The following P2RY12 variants were observed in gnomAD, a reference collection of about 807,000 sequenced individuals.
The protein encoded by P2RY12 is purinergic receptor P2Y12, also known as P2Y purinoceptor 12.
Under a neutral mutation model 4.5 loss-of-function variants are expected in P2RY12, and 3 were observed. The ratio of observed to expected loss-of-function variants is 0.67; its 90% CI spans 0.31 to 1.74. The LOEUF is 1.74. Ranked by LOEUF, P2RY12 falls within the 40% of genes most tolerant of loss-of-function variation. The probability of loss-of-function intolerance (pLI) is 0.09; values close to 1 mark genes in which losing one functional copy is unlikely to be tolerated. For missense variants in P2RY12, 356 were observed against 407.8 expected (o/e 0.87, Z 1.09); for synonymous variants, 148 against 154.1 (o/e 0.96, Z 0.29).
rs1366873858 is a variant in P2RY12 at position 151,340,607 on chromosome 3, T to C, written c.-26A>G. 1 of 152,630 alleles carries C rather than the reference T, an allele frequency of 6.6e-6. No individual in the cohort carries two copies. Among genetic ancestry groups the C allele is most frequent in the African/African-American group, 2.4e-5 (1 of 41,460 alleles). The allele number at this position is 152,630 out of a possible 1,614,324, so 9.5% of individuals were successfully genotyped here. On this transcript the variant is annotated 5_prime_UTR_variant, in exon 2 of 3. Coordinates refer to ENST00000302632, the MANE Select transcript of P2RY12 (RefSeq NM_022788.5). ...AGAAATAACATTACCTGATAACTGT[T>C]GATTCTGGAGGGTTTGAATGTATCC...
At chr3:151,340,520 A>T (rs1193257280) in intron 2 of P2RY12, 76 bp downstream of exon 2, 1 of 152,622 alleles carries the variant, frequency 6.6e-6, no homozygotes, top group Non-Finnish European at 1.5e-5. Flanking sequence ...ATTTTAAGAG[A>T]AACTTGGAAA....
chr3:151,360,381 C>A, intron 1 of P2RY12: 1 of 1,144,510 alleles, frequency 8.7e-7, no homozygotes, highest in Non-Finnish European at 1.3e-6. Context: ...TTTTTCTTAC[C>A]CAAGTGATAC....
In P2RY12 at chr3:151,350,268, T is replaced by C. The variant is rs1338730848; in HGVS notation, c.-179-9508A>G. 7 of 1,545,170 alleles carry C rather than the reference T, an allele frequency of 4.5e-6. 1 individual carries two copies. In the East Asian group the frequency reaches 1.6e-4, roughly 35 times the overall value. On this transcript the variant is annotated intron_variant, in intron 1 of 2. Coordinates refer to ENST00000302632, the MANE Select transcript of P2RY12 (RefSeq NM_022788.5). The stretch of plus-strand genomic sequence containing the variant: ...CCTTTTGCCTTCCCTCTGAGCACAG[T>C]CTTTATCAAAGTGTTCTATGTCACT...
intron 1 of P2RY12, among the ~76,000 whole-genome samples, chr3:151,381,707 C>T (rs1712380254): frequency 6.6e-6 from 1 of 152,166 alleles, no homozygotes; most frequent in African/African-American, 2.4e-5. Flanking sequence ...CCACTTGTTA[C>T]ACTTAGTTTT....
intron 1 of P2RY12, among the ~76,000 whole-genome samples, chr3:151,379,485 G>C (rs1257006313): frequency 2.0e-5 from 3 of 152,176 alleles, no homozygotes; most frequent in Admixed American, 2.0e-4. Context: ...CAAATGCCTT[G>C]ACACCTCTTT....
intron 1 of P2RY12, chr3:151,368,239 C>A: frequency 6.2e-7 from 1 of 1,613,804 alleles, no homozygotes; most frequent in Non-Finnish European, 8.5e-7. Flanking sequence ...CTGCTTCTTA[C>A]CTCAAGCAAC....
At chr3:151,374,989 A>C (rs1472626138) in intron 1 of P2RY12, among the ~76,000 whole-genome samples, 1 of 152,218 alleles carries the variant, frequency 6.6e-6, no homozygotes, top group Non-Finnish European at 1.5e-5. Flanking sequence ...TAGGTGTCAT[A>C]CCGACTGGGT....
At chr3:151,342,913 G>T (rs1356828589) in intron 1 of P2RY12, among the ~76,000 whole-genome samples, 2 of 152,060 alleles carry the variant, frequency 1.3e-5, no homozygotes, top group African/African-American at 2.4e-5. Flanking sequence ...ACTATTCTCT[G>T]AAGTACGCGT....
intron 1 of P2RY12, chr3:151,368,322 C>T (rs1398249053): frequency 3.1e-6 from 4 of 1,290,938 alleles, no homozygotes; most frequent in Non-Finnish European, 2.2e-6. Context: ...ACCAAATAGG[C>T]TGTCCCTTTC....
chr3:151,376,030 G>T, intron 1 of P2RY12: 1 of 1,571,808 alleles, frequency 6.4e-7, no homozygotes, highest in South Asian at 1.2e-5. Flanking sequence ...TTTTAGGAAT[G>T]GGTAGGAGAG....
chr3:151,355,353 C>A, intron 1 of P2RY12: 1 of 658,844 alleles, frequency 1.5e-6, no homozygotes, highest in South Asian at 2.1e-5. Flanking sequence ...ATTTTATAAA[C>A]ATACTTGGAA....
intron 1 of P2RY12, chr3:151,383,838 G>A (rs765203353): frequency 1.2e-6 from 2 of 1,614,044 alleles, no homozygotes; most frequent in East Asian, 2.2e-5. Context: ...ACTGGGCCCT[G>A]CTACTCCTTC....
At chr3:151,366,544 A>G (rs1755299076) in intron 1 of P2RY12, among the ~76,000 whole-genome samples, 1 of 152,212 alleles carries the variant, frequency 6.6e-6, no homozygotes, top group African/African-American at 2.4e-5. Flanking sequence ...CTTGGATATC[A>G]TGTTGCATCC....
At chr3:151,357,566 T>A (rs373384102) in intron 1 of P2RY12, among the ~76,000 whole-genome samples, 5 of 152,178 alleles carry the variant, frequency 3.3e-5, no homozygotes, top group African/African-American at 1.2e-4. Context: ...TTTCTAATAA[T>A]GTGTGATTCC....
intron 1 of P2RY12, among the ~76,000 whole-genome samples, chr3:151,370,524 T>C (rs1235092546): frequency 6.6e-6 from 1 of 152,152 alleles, no homozygotes; most frequent in East Asian, 1.9e-4. Flanking sequence ...GTGAATTTTG[T>C]AGTAAAAAGG....
In P2RY12 at chr3:151,375,970, C is replaced by CATATATATATATATATATATATAT. The variant is rs148538586; in HGVS notation, c.-180+8721_-180+8722insATATATATATATATATATATATAT. ...TGCACTGTGGATTTAGTACATATTGCATATATATATACCGAAAGCCAGTGC... is the reference window on the plus strand; with the variant it reads ...TGCACTGTGGATTTAGTACATATTGCATATATATATATATATATATATATATATATATATACCGAAAGCCAGTGC... On this transcript the variant is annotated intron_variant, in intron 1 of 2. Transcript: ENST00000302632. The CATATATATATATATATATATATAT allele has an allele frequency of 1.6e-3, 1,339 of 812,450 alleles. 10 individuals carry two copies. The highest frequency in any genetic ancestry group is 5.7e-3 in the Middle Eastern group (13 of 2,292). 50.3% of individuals were successfully genotyped at this position (812,450 alleles called of 1,614,324 possible). A position where few individuals can be genotyped will look rare whatever the true frequency, so the allele number is the denominator to read the frequency against.
intron 1 of P2RY12, chr3:151,369,439 A>T: frequency 6.3e-7 from 1 of 1,599,508 alleles, no homozygotes; most frequent in Non-Finnish European, 8.5e-7. Flanking sequence ...TTTGTAGGCA[A>T]ACCTTTCCCT....
intron 1 of P2RY12, among the ~76,000 whole-genome samples, chr3:151,363,989 A>G (rs1488935101): frequency 6.6e-6 from 1 of 152,168 alleles, no homozygotes; most frequent in African/African-American, 2.4e-5. Context: ...ATGCAAGTAT[A>G]TAACAATATG....
At chr3:151,362,562 C>T (rs909529078) in intron 1 of P2RY12, among the ~76,000 whole-genome samples, 8 of 151,942 alleles carry the variant, frequency 5.3e-5, no homozygotes, top group African/African-American at 1.9e-4. Context: ...TCATTCTGAG[C>T]CTCAGCACTT....
Sources: allele counts gnomAD v4.1 joint callset (sites outside exome capture counted in the v4.1 genomes callset), GRCh38; gene constraint gnomAD v4.1.1; transcripts MANE v1.5; gene names NCBI Gene and HGNC (gene_info 2026-07-23, HGNC 2026-07-21).